The following SERPINB8 variants were observed in gnomAD, a reference collection of about 807,000 sequenced individuals.
SERPINB8 encodes the protein serpin family B member 8, also known as serpin B8.
SERPINB8 carries 25 observed loss-of-function variants against 35.3 expected under a neutral mutation model. That is an observed-to-expected ratio of 0.71 (90% confidence interval 0.52 to 0.99). The LOEUF (loss-of-function observed/expected upper bound fraction) is 0.99, where lower values mean the gene tolerates loss of function less well. SERPINB8 is among the 50% of genes least tolerant of loss of function. The pLI, the probability that SERPINB8 is intolerant of heterozygous loss-of-function variation, is 0.00. For missense variants in SERPINB8, 484 were observed against 446.5 expected (o/e 1.08, Z -0.76); for synonymous variants, 186 against 160.8 (o/e 1.16, Z -1.19).
At chr18:63,981,137 G>A (rs574592303) in intron 3 of SERPINB8, among the ~76,000 whole-genome samples, 41 of 152,218 alleles carry the variant, frequency 2.7e-4, no homozygotes, top group South Asian at 1.2e-3. Context: ...GCATGCACAC[G>A]TATGAACCCA....
chr18:64,015,305 C>T (rs1378341334), intron 7 of SERPINB8, among the ~76,000 whole-genome samples: 1 of 152,138 alleles, frequency 6.6e-6, no homozygotes, highest in Non-Finnish European at 1.5e-5. Context: ...GGAACTGGCT[C>T]CACGGAGGTA....
chr18:64,010,489 G>T (rs2050921065), downstream of SERPINB8, among the ~76,000 whole-genome samples: 1 of 152,062 alleles, frequency 6.6e-6, no homozygotes, highest in African/African-American at 2.4e-5. Context: ...ATTATTCAAA[G>T]GAACAAATGA....
chr18:63,991,255 C>T (rs1391992738), downstream of SERPINB8, among the ~76,000 whole-genome samples: 1 of 152,162 alleles, frequency 6.6e-6, no homozygotes, highest in Non-Finnish European at 1.5e-5. Flanking sequence ...TGTACAAAGC[C>T]TGCTGCAATT....
intron 5 of SERPINB8, among the ~76,000 whole-genome samples, chr18:63,984,148 C>G (rs1039895359): frequency 2.0e-5 from 3 of 152,218 alleles, no homozygotes; most frequent in Non-Finnish European, 2.9e-5. Flanking sequence ...TGCCTGGCTT[C>G]TTTTCTGAAT....
Position 63,981,815 on chromosome 18 carries a change from A to G in SERPINB8, c.401A>G (p.Asp134Gly). The change falls in exon 4 of 7, where the codon GAC (aspartate) becomes GGC (glycine). Residue 134 changes from aspartate to glycine, a missense_variant. Transcript: ENST00000397985. ...GAAGAGTGCAGGAAGCATATAAATG[A>G]CTGGGTGGCAGAGAAGACTGAAGGT... ...DTEECRKHINDWVAEKTEGKI... is the reference protein window; with the variant it reads ...DTEECRKHINGWVAEKTEGKI... The G allele has an allele frequency of 6.2e-7, 1 of 1,612,186 alleles. No individual in the cohort carries two copies. Among genetic ancestry groups the G allele is most frequent in the East Asian group, 2.2e-5 (1 of 44,862 alleles).
Position 63,978,444 on chromosome 18 carries a change from G to T in SERPINB8, c.136G>T (p.Ala46Ser). 1.2e-6 allele frequency: 2 copies of T among 1,614,168 alleles called. No individual in the cohort carries two copies. Among genetic ancestry groups the T allele is most frequent in the Non-Finnish European group, 1.7e-6 (2 of 1,180,022 alleles). ...SSALAMVFMG[A>S]KGSTAAQMSQ... ...TGCCCTGGCCATGGTCTTCATGGGG[G>T]CAAAGGGAAGCACTGCAGCCCAGAT... is the stretch of plus-strand genomic sequence containing the variant. Residue 46 changes from alanine (A) to serine (S), a missense_variant, in exon 2 of 7, where the codon GCA (alanine) becomes TCA (serine). Physicochemically the swap from Ala to Ser is moderately conservative, Grantham distance 99. Transcript: ENST00000397985.
At chr18:64,011,153 T>G (rs1258961752) in intron 7 of SERPINB8, among the ~76,000 whole-genome samples, 3 of 152,136 alleles carry the variant, frequency 2.0e-5, no homozygotes, top group African/African-American at 2.4e-5. Context: ...GACAAAAATC[T>G]TTTAGATTGG....
At chr18:63,979,480 G>T (rs1239808503) in intron 2 of SERPINB8, among the ~76,000 whole-genome samples, 1 of 152,086 alleles carries the variant, frequency 6.6e-6, no homozygotes, top group East Asian at 1.9e-4. Context: ...GGGTCGGTGG[G>T]TGAATTTTTC....
At position 63,978,267 on chromosome 18, in the gene SERPINB8, A is replaced by G. The variant is rs1599136714; in HGVS notation, c.-10-32A>G. On this transcript the variant is annotated intron_variant, in intron 1 of 6. Transcript: ENST00000397985. ...GCGTGGCTACCGGAGTCATTGGCTT[A>G]TGTGCTTTTCCCTGCTGTGCCTTTG... 6.2e-6 allele frequency: 10 copies of G among 1,613,162 alleles called. No homozygotes were observed. The East Asian group carries it at 2.2e-4, about 36-fold the overall frequency.
chr18:63,992,411 CTT>C (rs1469601247), downstream of SERPINB8, among the ~76,000 whole-genome samples: 1 of 152,150 alleles, frequency 6.6e-6, no homozygotes, highest in Non-Finnish European at 1.5e-5. Context: ...ATAATAGTCT[CTT>C]ATTTTTCTTT....
chr18:64,002,152 C>T (rs2050878461), intron 1 of SERPINB8, among the ~76,000 whole-genome samples: 3 of 152,116 alleles, frequency 2.0e-5, no homozygotes, highest in Non-Finnish European at 4.4e-5. Context: ...TGTGTCTGAG[C>T]CACGCAGTCT....
Position 63,987,108 on chromosome 18 carries a change from G to C in SERPINB8, c.955G>C (p.Val319Leu). 6.2e-7 allele frequency: 1 copy of C among 1,614,168 alleles called. No homozygotes were observed. ...PLSKVAHKCF[V>L]EVNEEGTEAA... is the part of the protein sequence containing the mutation. ...GTCCAAGGTTGCCCACAAGTGCTTC[G>C]TGGAGGTCAATGAGGAAGGCACAGA... Residue 319 changes from valine to leucine, a missense_variant, in exon 7 of 7, where the codon GTG (valine) becomes CTG (leucine). By Grantham distance (32) the Val-to-Leu change is conservative. Transcript: ENST00000397985.
In SERPINB8 at chr18:63,989,216, A is replaced by G. The variant is rs1026270134; in HGVS notation, c.*1938A>G. On this transcript the variant is annotated 3_prime_UTR_variant, in exon 7 of 7. Transcript: ENST00000397985. ...TTTTGAGATTCATTTATGTTATTGT[A>G]TGTATCAATAGTTCATCCCTTTTAT... 6.6e-6 allele frequency: 1 copy of G among 152,220 alleles called. No homozygotes were observed. The highest frequency in any genetic ancestry group is 2.4e-5 in the African/African-American group (1 of 41,462). The allele number at this position is 152,220 out of a possible 1,614,324, so 9.4% of individuals were successfully genotyped here. A position where few individuals can be genotyped will look rare whatever the true frequency, so the allele number is the denominator to read the frequency against.
rs1465122406 is a variant in SERPINB8, at chr18:63,978,300, CCTT to C, written c.-6_-4del. On this transcript the variant is annotated splice_region_variant and 5_prime_UTR_variant, in exon 2 of 7. Coordinates refer to ENST00000397985, the MANE Select transcript of SERPINB8 (RefSeq NM_002640.4). ...TTCCCTGCTGTGCCTTTGATGCAGA[CCTT>C]CTCTGATGGATGACCTCTGTGAAGC... The C allele has an allele frequency of 1.2e-6, 2 of 1,614,152 alleles. No homozygotes were observed. Among genetic ancestry groups the C allele is most frequent in the African/African-American group, 2.7e-5 (2 of 75,028 alleles).
intron 1 of SERPINB8, among the ~76,000 whole-genome samples, chr18:63,996,205 G>C (rs1380569951): frequency 6.6e-6 from 1 of 152,148 alleles, no homozygotes; most frequent in Non-Finnish European, 1.5e-5. Context: ...AGTTTTATGG[G>C]ACAATTGGGC....
downstream of SERPINB8, among the ~76,000 whole-genome samples, chr18:64,009,378 A>C (rs1411201466): frequency 6.6e-6 from 1 of 152,240 alleles, no homozygotes; most frequent in Non-Finnish European, 1.5e-5. Flanking sequence ...GGGCCAAAAT[A>C]ACCAAGACAC....
In SERPINB8 at chr18:63,981,783, A is replaced by G; in HGVS notation, c.369A>G (p.Glu123=). 1 of 1,614,032 alleles carries G rather than the reference A, an allele frequency of 6.2e-7. No individual in the cohort carries two copies. The highest frequency in any genetic ancestry group is 8.5e-7 in the Non-Finnish European group (1 of 1,179,908). Residue 123 remains glutamate, a synonymous_variant, in exon 4 of 7, where the codon GAA becomes GAG. Coordinates refer to ENST00000397985, the MANE Select transcript of SERPINB8 (RefSeq NM_002640.4). The part of the protein sequence containing the change: ...QAELEELSFA[E]DTEECRKHIN... ...AGCTGGAGGAGTTGTCCTTTGCTGA[A>G]GACACTGAAGAGTGCAGGAAGCATA...
rs527638205 is a variant in SERPINB8 at position 63,988,755 on chromosome 18, G to A, written c.*1477G>A. ...TGACCAAGCCAGGATATATCTGTTA[G>A]GCCACATTCATTTAGGGATCATGTT... is the stretch of plus-strand genomic sequence containing the variant. On this transcript the variant is annotated 3_prime_UTR_variant, in exon 7 of 7. Coordinates refer to ENST00000397985, the MANE Select transcript of SERPINB8 (RefSeq NM_002640.4). 1 of 151,456 alleles carries A rather than the reference G, an allele frequency of 6.6e-6. No homozygotes were observed. Among genetic ancestry groups the A allele is most frequent in the Admixed American group, 6.6e-5 (1 of 15,262 alleles). The allele number at this position is 151,456 out of a possible 1,614,324, so 9.4% of individuals were successfully genotyped here.
At chr18:64,008,144 G>T (rs1286978182), downstream of SERPINB8, among the ~76,000 whole-genome samples, 1 of 152,076 alleles carries the variant, frequency 6.6e-6, no homozygotes, top group Non-Finnish European at 1.5e-5. Context: ...TGAAAGAATT[G>T]CTCAATTACT....
Sources: allele counts gnomAD v4.1 joint callset (sites outside exome capture counted in the v4.1 genomes callset), GRCh38; gene constraint gnomAD v4.1.1; transcripts MANE v1.5; gene names NCBI Gene and HGNC (gene_info 2026-07-23, HGNC 2026-07-21).